FBXO31: variants seen among roughly 807,000 people sequenced by gnomAD.
FBXO31 encodes the protein F-box only protein 31.
Under a neutral mutation model 54.4 loss-of-function variants are expected in FBXO31, and 24 were observed. That is an observed-to-expected ratio of 0.44 (90% CI 0.32 to 0.62). The LOEUF is 0.62. Among genes scored for constraint, FBXO31 ranks in the 20% least tolerant of loss-of-function variants. The pLI is 0.05. For missense variants in FBXO31, 665 were observed against 787.1 expected (o/e 0.84, Z 1.86); for synonymous variants, 388 against 335.6 (o/e 1.16, Z -1.71).
At chr16:87,343,442 G>C (rs376171649) in intron 4 of FBXO31, among the ~76,000 whole-genome samples, 156 bp downstream of exon 4, 4 of 152,254 alleles carry the variant, frequency 2.6e-5, no homozygotes, top group African/African-American at 9.6e-5. Flanking sequence ...CCACGGAGGC[G>C]TAAACAATGC....
At chr16:87,353,174 G>A (rs1905741084) in intron 2 of FBXO31, among the ~76,000 whole-genome samples, 1 of 152,186 alleles carries the variant, frequency 6.6e-6, no homozygotes. Context: ...GCCCTGCTCG[G>A]CTCCTGGGTC....
intron 5 of FBXO31, among the ~76,000 whole-genome samples, chr16:87,340,450 G>C (rs908082033): frequency 1.3e-5 from 2 of 152,254 alleles, no homozygotes; most frequent in African/African-American, 2.4e-5. Context: ...CACGCATCCA[G>C]TGTGGAGATA....
At position 87,383,413 on chromosome 16, in the gene FBXO31, C is replaced by T; in HGVS notation, c.332G>A (p.Cys111Tyr). ...CACCCCCGCGCGCTCACCCTCACGG[C>T]AACGCCTCCTCCAGATGGTGTCGGT... ...LHTDTIWRRR[C>Y]REEYGVCENL... Residue 111 changes from cysteine (C) to tyrosine (Y), a missense_variant, in exon 1 of 9, where the codon TGC (cysteine) becomes TAC (tyrosine). Cys to Tyr is a radical substitution (Grantham distance 194, BLOSUM62 -2). Coordinates refer to ENST00000311635, the MANE Select transcript of FBXO31 (RefSeq NM_024735.5). The surrounding 1 kb of genome is among the most constrained non-coding windows in gnomAD (Gnocchi z 4.9). 6.4e-7 allele frequency: 1 copy of T among 1,557,730 alleles called. No individual in the cohort carries two copies. The highest frequency in any genetic ancestry group is 1.4e-5 in the African/African-American group (1 of 71,632).
chr16:87,336,121 G>T lies in FBXO31; in HGVS notation c.842+34C>A, dbSNP rs1476136411. On this transcript the variant is annotated intron_variant, in intron 6 of 8. Coordinates refer to ENST00000311635, the MANE Select transcript of FBXO31 (RefSeq NM_024735.5). This position sits in a 1 kb window ranked among gnomAD's most constrained non-coding sequence, Gnocchi z 6.5. Reference sequence around the variant, plus strand: ...TGGTCCCCAGCACACACCAGGAGAGGGCTACCCCAGCACCGAGCAGGAGCC... The same window carrying T: ...TGGTCCCCAGCACACACCAGGAGAGTGCTACCCCAGCACCGAGCAGGAGCC... The T allele has an allele frequency of 6.3e-7, 1 of 1,578,152 alleles. No individual in the cohort carries two copies. The highest frequency in any genetic ancestry group is 8.7e-7 in the Non-Finnish European group (1 of 1,148,176).
rs1033191412 is a variant in FBXO31 at position 87,336,017 on chromosome 16, G to C, written c.842+138C>G. The C allele has an allele frequency of 4.6e-6, 3 of 645,690 alleles. No homozygotes were observed. In the African/African-American group the frequency reaches 5.5e-5, roughly 12 times the overall value. 40.0% of individuals were successfully genotyped at this position (645,690 alleles called of 1,614,324 possible). ...CAGAGAGAGAGGGGCTGTACTCCCA[G>C]CCCCCAGCAGGAGAGAGGGCTGAAC... is the stretch of plus-strand genomic sequence containing the variant. On this transcript the variant is annotated intron_variant, in intron 6 of 8. Transcript: ENST00000311635. This position sits in a 1 kb window ranked among gnomAD's most constrained non-coding sequence, Gnocchi z 6.5.
rs758005391 is a variant in FBXO31, at chr16:87,336,926, C to A, written c.733-662G>T. Among the ~76,000 whole-genome samples the A allele has an allele frequency of 2.0e-5, 3 of 152,208 alleles. No individual in the cohort carries two copies. Among genetic ancestry groups the A allele is most frequent in the Non-Finnish European group, 4.4e-5 (3 of 68,044 alleles). On this transcript the variant is annotated intron_variant, in intron 5 of 8. Transcript: ENST00000311635. The surrounding 1 kb of genome is among the most constrained non-coding windows in gnomAD (Gnocchi z 6.5). Reference sequence around the variant, plus strand: ...CAATTTACAGAATTCACCCAAACTTCCAAGTTCCCAGCTCAATACAGTGTT... The same window carrying A: ...CAATTTACAGAATTCACCCAAACTTACAAGTTCCCAGCTCAATACAGTGTT...
rs1428018385 is a variant in FBXO31, at chr16:87,383,571, G to A, written c.174C>T (p.Pro58=). 6 of 1,516,834 alleles carry A rather than the reference G, an allele frequency of 4.0e-6. No homozygotes were observed. The highest frequency in any genetic ancestry group is 5.3e-6 in the Non-Finnish European group (6 of 1,137,692). The allele number at this position is 1,516,834 out of a possible 1,614,324, so 94.0% of individuals were successfully genotyped here. Residue 58 remains proline, a synonymous_variant, in exon 1 of 9, where the codon CCC becomes CCT. Transcript: ENST00000311635. This position sits in a 1 kb window ranked among gnomAD's most constrained non-coding sequence, Gnocchi z 4.9. The part of the protein sequence containing the change: ...AGVGGGLCAG[P]SPPPPRCSLL... ...GCGAGCAGCGCGGGGGCGGCGGCGA[G>A]GGGCCCGCGCACAAGCCGCCCCCGA...
In FBXO31 at chr16:87,351,954, G is replaced by A. The variant is rs143610385; in HGVS notation, c.413-4704C>T. ...CAGTGGCTCTCCACCCTGACTGCGC[G>A]TCAGAATCACTAGGGACACGAGAAA... On this transcript the variant is annotated intron_variant, in intron 2 of 8. Transcript: ENST00000311635. 2.2e-4 allele frequency among the ~76,000 whole-genome samples: 34 copies of A among 152,294 alleles called. No individual in the cohort carries two copies. The East Asian group carries it at 5.4e-3, about 24-fold the overall frequency.
chr16:87,347,357 T>G, intron 2 of FBXO31, 107 bp from the exon 3 acceptor site: 1 of 912,558 alleles, frequency 1.1e-6, no homozygotes, highest in African/African-American at 1.6e-5. Flanking sequence ...ACAAAAGGCT[T>G]GCAAGAGCCC....
rs748335502 is a variant in FBXO31 at position 87,334,212 on chromosome 16, G to A, written c.1071C>T (p.Leu357=). Residue 357 remains leucine, a synonymous_variant, in exon 8 of 9, where the codon CTC becomes CTT. Transcript: ENST00000311635. ...GCTCATTGAAGTTGCGCTGGTTCTC[G>A]AGGTCGGGCAGCTGGATCCGATGCC... is the stretch of plus-strand genomic sequence containing the variant. ...DLRHRIQLPD[L]ENQRNFNELS... is the part of the protein sequence containing the mutation. 2.0e-5 allele frequency: 33 copies of A among 1,612,168 alleles called. No individual in the cohort carries two copies. The highest frequency in any genetic ancestry group is 1.6e-4 in the Middle Eastern group (1 of 6,076).
At chr16:87,376,666 G>C (rs890882293) in intron 1 of FBXO31, among the ~76,000 whole-genome samples, 3 of 152,186 alleles carry the variant, frequency 2.0e-5, no homozygotes, top group African/African-American at 7.2e-5. Flanking sequence ...GGTAAACACA[G>C]AAATCAGCCT....
At chr16:87,380,452 A>C (rs1907028506) in intron 1 of FBXO31, among the ~76,000 whole-genome samples, 1 of 151,852 alleles carries the variant, frequency 6.6e-6, no homozygotes, top group South Asian at 2.1e-4. Context: ...CCCGGACTGG[A>C]GTGCAGTAGC....
intron 5 of FBXO31, among the ~76,000 whole-genome samples, chr16:87,339,906 A>G (rs1905139276): frequency 1.3e-5 from 2 of 152,230 alleles, no homozygotes; most frequent in African/African-American, 4.8e-5. Context: ...AGGCTGAGGT[A>G]GGAGGATCAC....
At chr16:87,369,004 G>A (rs562072329) in intron 1 of FBXO31, among the ~76,000 whole-genome samples, 3 of 152,104 alleles carry the variant, frequency 2.0e-5, no homozygotes, top group African/African-American at 7.2e-5. Flanking sequence ...GTTTCGCCAT[G>A]TCTCGAACTC....
At chr16:87,374,232 T>G (rs28447260) in intron 1 of FBXO31, among the ~76,000 whole-genome samples, 1 of 150,666 alleles carries the variant, frequency 6.6e-6, no homozygotes, top group African/African-American at 2.4e-5. Flanking sequence ...ACAGAGGCCC[T>G]GTCTCCACAA....
chr16:87,364,660 G>C (rs925712205), intron 1 of FBXO31, among the ~76,000 whole-genome samples: 1 of 152,180 alleles, frequency 6.6e-6, no homozygotes, highest in South Asian at 2.1e-4. Flanking sequence ...CACTAGGTAT[G>C]ACTTATCAGC....
intron 8 of FBXO31, among the ~76,000 whole-genome samples, chr16:87,332,750 G>A (rs1273161916): frequency 2.0e-5 from 3 of 151,030 alleles, no homozygotes; most frequent in Non-Finnish European, 2.9e-5. Flanking sequence ...CCCTCCAGGA[G>A]CTGGGCCTGT....
upstream of FBXO31, chr16:87,383,941 G>A (rs1907219739): frequency 3.6e-6 from 1 of 278,650 alleles, no homozygotes; most frequent in Non-Finnish European, 6.4e-6. The surrounding 1 kb of genome is among the most constrained non-coding windows in gnomAD (Gnocchi z 4.9). Flanking sequence ...CCGCACTGCT[G>A]CCCTCCCCTC....
chr16:87,375,737 C>A (rs779837880), intron 1 of FBXO31, among the ~76,000 whole-genome samples: 2 of 152,176 alleles, frequency 1.3e-5, no homozygotes, highest in Non-Finnish European at 2.9e-5. Context: ...CCAGGCCCTG[C>A]AGGCTGGAGT....
Sources: allele counts gnomAD v4.1 joint callset (sites outside exome capture counted in the v4.1 genomes callset), GRCh38; gene constraint gnomAD v4.1.1; non-coding constraint Gnocchi (gnomAD v3.1); transcripts MANE v1.5; gene names NCBI Gene and HGNC (gene_info 2026-07-23, HGNC 2026-07-21).